Variants in PCDHA1 observed in about 807,000 individuals in gnomAD.
PCDHA1 encodes the protein protocadherin alpha 1.
In PCDHA1, 42 loss-of-function variants were observed where a neutral mutation model predicts 61.3. The ratio of observed to expected loss-of-function variants is 0.69; its 90% CI spans 0.54 to 0.89. The LOEUF is 0.89. Among genes scored for constraint, PCDHA1 ranks in the 40% least tolerant of loss-of-function variants. The pLI, the probability that PCDHA1 is intolerant of heterozygous loss-of-function variation, is 0.00. For synonymous variants in PCDHA1, 610 were observed against 553.8 expected (o/e 1.10, Z -1.43); for missense variants, 1,256 against 1,235.3 (o/e 1.02, Z -0.25).
At chr5:140,877,259 C>G in intron 1 of PCDHA1, 1 of 1,613,752 alleles carries the variant, frequency 6.2e-7, no homozygotes, top group Non-Finnish European at 8.5e-7. Flanking sequence ...AAAGTGCGCG[C>G]GGTGGACGCT....
intron 1 of PCDHA1, among the ~76,000 whole-genome samples, chr5:140,956,002 C>T (rs2095246908): frequency 6.6e-6 from 1 of 152,124 alleles, no homozygotes; most frequent in Admixed American, 6.5e-5. Context: ...GATTTTGTAT[C>T]CTGAGACTTT....
chr5:140,808,023 A>G (rs1034066064), intron 1 of PCDHA1: 18 of 1,613,826 alleles, frequency 1.1e-5, no homozygotes, highest in Non-Finnish European at 1.4e-5. Flanking sequence ...GACATTGTTT[A>G]TTCATTCTCA....
At chr5:140,928,701 G>A (rs782369096) in intron 1 of PCDHA1, 53 of 1,614,014 alleles carry the variant, frequency 3.3e-5, no homozygotes, top group Admixed American at 2.0e-4. Context: ...TCTCCCGGGC[G>A]TCTGACTCTA....
intron 1 of PCDHA1, among the ~76,000 whole-genome samples, chr5:140,899,167 T>C (rs1314014582): frequency 3.3e-5 from 5 of 152,124 alleles, no homozygotes; most frequent in Admixed American, 6.5e-5. Context: ...CTTTTCCTAA[T>C]TGAATACCCT....
Position 140,786,671 on chromosome 5 carries a change from C to A in PCDHA1, c.381C>A (p.Asn127Lys). ...FHVEVKVKDINDNPPVFRGRE... is the reference protein window; with the variant it reads ...FHVEVKVKDIKDNPPVFRGRE... Reference sequence around the variant, plus strand: ...TGGAGGTGAAGGTGAAAGACATTAACGATAATCCACCCGTCTTCAGGGGCA... The same window carrying A: ...TGGAGGTGAAGGTGAAAGACATTAAAGATAATCCACCCGTCTTCAGGGGCA... The change falls in exon 1 of 4, where the codon AAC becomes AAA. Residue 127 changes from asparagine to lysine, a missense_variant. Physicochemically the swap from Asn to Lys is moderately conservative, Grantham distance 94 (BLOSUM62 0). Transcript: ENST00000504120. 4 of 1,614,232 alleles carry A rather than the reference C, an allele frequency of 2.5e-6. No homozygotes were observed. The highest frequency in any genetic ancestry group is 2.5e-6 in the Non-Finnish European group (3 of 1,180,042).
chr5:140,805,708 A>G (rs1009335887), intron 1 of PCDHA1: 2 of 633,596 alleles, frequency 3.2e-6, no homozygotes, highest in Non-Finnish European at 3.9e-6. Context: ...GAATTAGAAT[A>G]AAAATTAAGC....
chr5:140,989,403 G>A (rs1327699534), intron 3 of PCDHA1, among the ~76,000 whole-genome samples: 4 of 152,182 alleles, frequency 2.6e-5, no homozygotes, highest in African/African-American at 9.7e-5. Context: ...GGAGGGTGGA[G>A]AGTCTGCACT....
intron 1 of PCDHA1, among the ~76,000 whole-genome samples, chr5:140,888,467 A>C (rs562447782): frequency 7.2e-5 from 11 of 152,334 alleles, no homozygotes; most frequent in African/African-American, 2.6e-4. Flanking sequence ...TCAAAATGTC[A>C]GTAGTTCCAC....
chr5:140,786,785 C>T lies in PCDHA1; in HGVS notation c.495C>T (p.Asn165=). The change falls in exon 1 of 4, where the codon AAC becomes AAT. Residue 165 remains asparagine, a synonymous_variant. Coordinates refer to ENST00000504120, the MANE Select transcript of PCDHA1 (RefSeq NM_018900.4). ...CTGCTGATGCAGACATTGGTGCTAA[C>T]GCTCTTCTAACGTACACGCTCAGCC... ...EGAADADIGA[N]ALLTYTLSPS... 6.2e-7 allele frequency: 1 copy of T among 1,614,208 alleles called. No homozygotes were observed. Among genetic ancestry groups the T allele is most frequent in the Non-Finnish European group, 8.5e-7 (1 of 1,180,030 alleles).
intron 1 of PCDHA1, chr5:140,869,202 C>T (rs2050919461): frequency 3.1e-6 from 5 of 1,613,890 alleles, no homozygotes; most frequent in African/African-American, 2.7e-5. Flanking sequence ...AGCTCCACTA[C>T]TCCGTCTCGG....
chr5:140,840,692 G>C lies in PCDHA1; in HGVS notation c.2394+52008G>C, dbSNP rs181650579. 2.7e-4 allele frequency among the ~76,000 whole-genome samples: 41 copies of C among 152,042 alleles called. No homozygotes were observed. The East Asian group carries it at 2.9e-3, about 11-fold the overall frequency. On this transcript the variant is annotated intron_variant, in intron 1 of 3. Transcript: ENST00000504120. ...TTTTTATTACTTTAGTAAATAAAAC[G>C]GTTCAGGCAATTTGACATTTATTGA...
chr5:140,845,477 G>A (rs2150379213), intron 1 of PCDHA1, among the ~76,000 whole-genome samples: 4 of 149,604 alleles, frequency 2.7e-5, no homozygotes, highest in Non-Finnish European at 6.0e-5. Flanking sequence ...ATTTGGGGTT[G>A]TGCTTTCACA....
intron 1 of PCDHA1, chr5:140,802,203 G>T: frequency 6.2e-7 from 1 of 1,614,220 alleles, no homozygotes; most frequent in Non-Finnish European, 8.5e-7. Flanking sequence ...TCACTGCACA[G>T]TTCTACTCGA....
At chr5:140,978,672 G>C (rs2096816199) in intron 1 of PCDHA1, among the ~76,000 whole-genome samples, 1 of 152,256 alleles carries the variant, frequency 6.6e-6, no homozygotes, top group African/African-American at 2.4e-5. Context: ...TAAGAACACA[G>C]ACATGTATTG....
intron 1 of PCDHA1, among the ~76,000 whole-genome samples, chr5:140,954,472 G>T (rs1031225118): frequency 8.5e-5 from 13 of 152,182 alleles, no homozygotes; most frequent in Admixed American, 6.5e-5. Context: ...TCTGACTGGT[G>T]TGAGAAGATA....
rs1554145030 is a variant in PCDHA1 at position 140,850,906 on chromosome 5, T to C, written c.2394+62222T>C. On this transcript the variant is annotated intron_variant, in intron 1 of 3. Transcript: ENST00000504120. Reference sequence around the variant, plus strand: ...ACTGGGAAGGTGGGTTTTTCTAGCATTTTATTTATTTATATAATTTTTTTT... The same window carrying C: ...ACTGGGAAGGTGGGTTTTTCTAGCACTTTATTTATTTATATAATTTTTTTT... The C allele has an allele frequency of 1.3e-6, 2 of 1,550,722 alleles. 1 individual carries two copies. The highest frequency in any genetic ancestry group is 1.7e-6 in the Non-Finnish European group (2 of 1,145,138).
At chr5:140,927,051 G>C (rs1554203978) in intron 1 of PCDHA1, 1 of 1,611,998 alleles carries the variant, frequency 6.2e-7, no homozygotes, top group Non-Finnish European at 8.5e-7. Flanking sequence ...TGTCCTCGCG[G>C]AACTTTCGCT....
At chr5:140,807,855 C>A in intron 1 of PCDHA1, 1 of 1,614,194 alleles carries the variant, frequency 6.2e-7, no homozygotes, top group Non-Finnish European at 8.5e-7. Context: ...CCCGAGTTGA[C>A]TGGCACCGTT....
chr5:140,883,731 C>A, intron 1 of PCDHA1: 1 of 1,613,446 alleles, frequency 6.2e-7, no homozygotes, highest in Non-Finnish European at 8.5e-7. Flanking sequence ...CAGGAGAACG[C>A]GCTGGTCTCC....
Sources: allele counts gnomAD v4.1 joint callset (sites outside exome capture counted in the v4.1 genomes callset), GRCh38; gene constraint gnomAD v4.1.1; transcripts MANE v1.5; gene names NCBI Gene and HGNC (gene_info 2026-07-23, HGNC 2026-07-21).